Variants in ERCC1 observed in about 807,000 individuals in gnomAD.
ERCC1 encodes the protein ERCC excision repair 1, endonuclease non-catalytic subunit, also known as DNA excision repair protein ERCC-1.
ERCC1 carries 36 observed loss-of-function variants against 37.6 expected under a neutral mutation model. The observed-to-expected ratio is 0.96, with a 90% CI of 0.73 to 1.26. The LOEUF (loss-of-function observed/expected upper bound fraction) is 1.26, where lower values mean the gene tolerates loss of function less well. Among genes scored for constraint, ERCC1 ranks in the 50% most tolerant of loss-of-function variants. The pLI, the probability that ERCC1 is intolerant of heterozygous loss-of-function variation, is 0.00. For synonymous variants in ERCC1, 156 were observed against 162.1 expected, an observed-to-expected ratio of 0.96 and a Z score of 0.28; for missense variants, 349 against 376.5, an observed-to-expected ratio of 0.93 and a Z score of 0.60.
chr19:45,428,281 TG>T (rs199520174), upstream of ERCC1, among the ~76,000 whole-genome samples: 35 of 18,010 alleles, frequency 1.9e-3, no homozygotes, highest in African/African-American at 7.1e-3. Flanking sequence ...GGCGTGGGGG[TG>T]GGGGGGTGGG....
rs776130903 is a variant in ERCC1 at position 45,413,961 on chromosome 19, A to G, written c.774+2T>C. 6.2e-7 allele frequency: 1 copy of G among 1,613,052 alleles called. No individual in the cohort carries two copies. Among genetic ancestry groups the G allele is most frequent in the South Asian group, 1.1e-5 (1 of 91,050 alleles). On this transcript the variant is annotated splice_donor_variant, in intron 8 of 9. Coordinates refer to ENST00000300853, the MANE Select transcript of ERCC1 (RefSeq NM_001983.4). LOFTEE classifies it high-confidence loss of function. ...CTATGGGGCAGGGGAGCCATTCCTT[A>G]CTCCAAATGTGGTCAGGAGGGTCTG...
intron 7 of ERCC1, 51 bp downstream of exon 7, chr19:45,414,810 C>T (rs756505347): frequency 1.1e-5 from 14 of 1,326,930 alleles, no homozygotes; most frequent in African/African-American, 8.7e-5. Flanking sequence ...GCTCAACCAC[C>T]CAGGAGCTGC....
At chr19:45,413,855 G>T in intron 8 of ERCC1, 108 bp downstream of exon 8, 2 of 1,578,364 alleles carry the variant, frequency 1.3e-6, no homozygotes, top group Admixed American at 1.7e-5. Flanking sequence ...CTGTGGGAAG[G>T]CAGGACGGGC....
rs771508875 is a variant in ERCC1 at position 45,409,287 on chromosome 19, CACT to C, written c.*385_*387del. ...CACACAGTGACTGAGCCAATTCAGC[CACT>C]AGAGCCTGAACTGCCAGGGGAGGGA... is the stretch of plus-strand genomic sequence containing the variant. On this transcript the variant is annotated 3_prime_UTR_variant, in exon 10 of 10. Coordinates refer to ENST00000300853, the MANE Select transcript of ERCC1 (RefSeq NM_001983.4). 1.2e-5 allele frequency: 19 copies of C among 1,613,898 alleles called. 1 individual carries two copies. In the Middle Eastern group the frequency reaches 6.6e-4, roughly 56 times the overall value.
intron 6 of ERCC1, among the ~76,000 whole-genome samples, chr19:45,415,533 G>A (rs1974008930): frequency 6.6e-6 from 1 of 151,190 alleles, no homozygotes. Context: ...CTTTTCAGGA[G>A]GCTGAGGCAT....
At chr19:45,423,682 T>G (rs1403653355) in intron 1 of ERCC1, 99 bp downstream of exon 1, 3 of 1,253,954 alleles carry the variant, frequency 2.4e-6, no homozygotes, top group Non-Finnish European at 3.0e-6. Flanking sequence ...GGCTAGCATC[T>G]GGACGCCCTC....
At chr19:45,414,989 G>A in intron 6 of ERCC1, 29 bp from the exon 7 acceptor site, 1 of 1,518,482 alleles carries the variant, frequency 6.6e-7, no homozygotes, top group South Asian at 1.1e-5. Context: ...GGGCAGCCGG[G>A]AGGTGAGGTA....
Position 45,437,182 on chromosome 19 carries a change from G to A in ERCC1, c.-7-13801C>T, listed in dbSNP as rs546530665. Among the ~76,000 whole-genome samples the A allele has an allele frequency of 2.0e-5, 3 of 152,158 alleles. No homozygotes were observed. The South Asian group carries it at 6.2e-4, about 32-fold the overall frequency. ...GAGAATCGCTTGAACCCAGGAGGCA[G>A]AGGTTGCAGTGAGCCTTGATCACGC... On this transcript the variant is annotated intron_variant, in intron 1 of 8. Transcript: ENST00000423698.
At chr19:45,416,522 C>T (rs970956945) in intron 6 of ERCC1, 1 of 386,552 alleles carries the variant, frequency 2.6e-6, no homozygotes, top group Non-Finnish European at 4.8e-6. Flanking sequence ...CGTGGTGGTG[C>T]ACACCTGTAA....
chr19:45,417,294 A>C (rs1974122082), intron 5 of ERCC1, among the ~76,000 whole-genome samples: 1 of 152,114 alleles, frequency 6.6e-6, no homozygotes, highest in African/African-American at 2.4e-5. Flanking sequence ...TGAGCAGGAC[A>C]GACCTGTCCC....
chr19:45,424,605 A>G (rs1469916915), upstream of ERCC1, among the ~76,000 whole-genome samples: 1 of 152,174 alleles, frequency 6.6e-6, no homozygotes, highest in Admixed American at 6.5e-5. Flanking sequence ...TTGTGAAAGT[A>G]TTGGTCTTGT....
chr19:45,409,334 A>G lies in ERCC1; in HGVS notation c.*341T>C. 1 of 1,613,974 alleles carries G rather than the reference A, an allele frequency of 6.2e-7. No individual in the cohort carries two copies. Among genetic ancestry groups the G allele is most frequent in the Non-Finnish European group, 8.5e-7 (1 of 1,179,952 alleles). On this transcript the variant is annotated 3_prime_UTR_variant, in exon 10 of 10. Coordinates refer to ENST00000300853, the MANE Select transcript of ERCC1 (RefSeq NM_001983.4). Reference sequence around the variant, plus strand: ...GGAGGGACAGCCTGAAGCCAGGGCAACTCCGGGATCCACCAAGAAGAGGAA... The same window carrying G: ...GGAGGGACAGCCTGAAGCCAGGGCAGCTCCGGGATCCACCAAGAAGAGGAA...
chr19:45,417,919 T>G (rs917944321), intron 5 of ERCC1, among the ~76,000 whole-genome samples: 2 of 152,034 alleles, frequency 1.3e-5, no homozygotes, highest in African/African-American at 2.4e-5. Context: ...CTCGAACTCT[T>G]GGCCTCAAGT....
chr19:45,451,244 G>A (rs969109157), intron 1 of ERCC1, among the ~76,000 whole-genome samples: 1 of 152,122 alleles, frequency 6.6e-6, no homozygotes, highest in African/African-American at 2.4e-5. Flanking sequence ...AGCGCCTCCC[G>A]CGCTGTGGCT....
At position 45,408,012 on chromosome 19, in the gene ERCC1, C is replaced by A; in HGVS notation, c.*1663G>T. The A allele has an allele frequency of 7.7e-7, 1 of 1,303,912 alleles. No homozygotes were observed. The highest frequency in any genetic ancestry group is 1.0e-6 in the Non-Finnish European group (1 of 965,598). 80.8% of individuals were successfully genotyped at this position (1,303,912 alleles called of 1,614,324 possible). ...GACATTGCAGTGAGCCGAGATCATG[C>A]CACTGCACTCCAGCCTAGGCAACAG... On this transcript the variant is annotated 3_prime_UTR_variant, in exon 10 of 10. Transcript: ENST00000300853.
At chr19:45,434,204 T>C (rs1476544472) in intron 1 of ERCC1, among the ~76,000 whole-genome samples, 1 of 140,532 alleles carries the variant, frequency 7.1e-6, no homozygotes. Flanking sequence ...GACCTGTCCA[T>C]GTGCCCTGGC....
At chr19:45,414,981 G>A (rs748870279) in intron 6 of ERCC1, 21 bp from the exon 7 acceptor site, 1 of 1,557,712 alleles carries the variant, frequency 6.4e-7, no homozygotes, top group Non-Finnish European at 8.9e-7. Flanking sequence ...AGGATACAGG[G>A]CAGCCGGGAG....
Position 45,408,472 on chromosome 19 carries a change from C to A in ERCC1, c.*1203G>T. 6.2e-7 allele frequency: 1 copy of A among 1,613,920 alleles called. No homozygotes were observed. Among genetic ancestry groups the A allele is most frequent in the South Asian group, 1.1e-5 (1 of 91,076 alleles). On this transcript the variant is annotated 3_prime_UTR_variant, in exon 10 of 10. Coordinates refer to ENST00000300853, the MANE Select transcript of ERCC1 (RefSeq NM_001983.4). ...GGCCTAGGTCAGCCTTGGCCCCCAA[C>A]CTGCTCACCTCAGGGAAGAAGAAAA... is the stretch of plus-strand genomic sequence containing the variant.
At chr19:45,442,342 AAGTTTT>A in intron 1 of ERCC1, among the ~76,000 whole-genome samples, 1 of 151,712 alleles carries the variant, frequency 6.6e-6, no homozygotes, top group South Asian at 2.1e-4. Context: ...AAAAGAAAAA[AAGTTTT>A]GGTAACTACA....
Sources: allele counts gnomAD v4.1 joint callset (sites outside exome capture counted in the v4.1 genomes callset), GRCh38; gene constraint gnomAD v4.1.1; transcripts MANE v1.5; gene names NCBI Gene and HGNC (gene_info 2026-07-23, HGNC 2026-07-21).